Variants in KLRB1 observed in about 807,000 individuals in gnomAD.
KLRB1 encodes the protein killer cell lectin-like receptor subfamily B member 1.
Under a neutral mutation model 33.5 loss-of-function variants are expected in KLRB1, and 27 were observed. That is an observed-to-expected ratio of 0.81 (90% confidence interval 0.59 to 1.11). The LOEUF (loss-of-function observed/expected upper bound fraction) is 1.11, where lower values mean the gene tolerates loss of function less well. Ranked by LOEUF, KLRB1 falls within the 50% of genes most tolerant of loss-of-function variation. The probability of loss-of-function intolerance (pLI) is 0.00; values close to 1 mark genes in which losing one functional copy is unlikely to be tolerated. For missense variants in KLRB1, 241 were observed against 254.1 expected (o/e 0.95, Z 0.35); for synonymous variants, 64 against 88.9 (o/e 0.72, Z 1.58).
At chr12:9,607,343 T>TTCCTTC (rs1565444564) in intron 1 of KLRB1, among the ~76,000 whole-genome samples, 1 of 68,066 alleles carries the variant, frequency 1.5e-5, no homozygotes, top group Non-Finnish European at 3.1e-5. Context: ...TTCCTTTCTT[T>TTCCTTC]CTTTCTTTCT....
intron 5 of KLRB1, 94 bp downstream of exon 5, chr12:9,597,952 A>G: frequency 1.5e-6 from 1 of 664,156 alleles, no homozygotes; most frequent in East Asian, 3.0e-5. Context: ...TTTTAAACCA[A>G]ATTAAAACTA....
chr12:9,607,671 C>T (rs1296771837), intron 1 of KLRB1, 84 bp downstream of exon 1: 5 of 915,282 alleles, frequency 5.5e-6, no homozygotes, highest in Non-Finnish European at 9.0e-6. Context: ...ATCTTTAAAG[C>T]AATGATTTAA....
intron 5 of KLRB1, among the ~76,000 whole-genome samples, chr12:9,596,008 C>T (rs1864489016): frequency 6.6e-6 from 1 of 152,236 alleles, no homozygotes; most frequent in Non-Finnish European, 1.5e-5. Context: ...TCTGCAGAAA[C>T]ATAATATTAG....
At chr12:9,606,532 T>C (rs1864601120) in intron 1 of KLRB1, 1 of 151,616 alleles carries the variant, frequency 6.6e-6, no homozygotes, top group South Asian at 2.1e-4. Flanking sequence ...CTTTTCAAAC[T>C]AGAAACTATC....
chr12:9,601,203 A>C (rs952102851), intron 2 of KLRB1, among the ~76,000 whole-genome samples: 1 of 147,106 alleles, frequency 6.8e-6, no homozygotes, highest in Non-Finnish European at 1.5e-5. Flanking sequence ...CTCTCCCCAC[A>C]ATTGTCTTGT....
intron 2 of KLRB1, among the ~76,000 whole-genome samples, chr12:9,600,929 C>T (rs1244220105): frequency 4.6e-5 from 7 of 151,768 alleles, no homozygotes; most frequent in Non-Finnish European, 1.0e-4. Flanking sequence ...GAAGGAATGC[C>T]TCTTTCAGTT....
At chr12:9,606,760 A>ATATTTTT (rs1336534922) in intron 1 of KLRB1, among the ~76,000 whole-genome samples, 2 of 63,744 alleles carry the variant, frequency 3.1e-5, no homozygotes, top group African/African-American at 1.7e-4. Context: ...ATATATATAT[A>ATATTTTT]TTTTTTTTTT....
At chr12:9,601,111 A>G (rs1864536498) in intron 2 of KLRB1, among the ~76,000 whole-genome samples, 2 of 130,862 alleles carry the variant, frequency 1.5e-5, no homozygotes, top group Admixed American at 8.3e-5. Context: ...GTTTATGTGT[A>G]TGCATATCTA....
intron 4 of KLRB1, 104 bp downstream of exon 4, chr12:9,598,395 A>T: frequency 1.0e-6 from 1 of 1,004,000 alleles, no homozygotes; most frequent in Non-Finnish European, 1.5e-6. Flanking sequence ...GTGAAGTCAA[A>T]GTCATCACTT....
chr12:9,604,674 C>T (rs1294964994), intron 1 of KLRB1, among the ~76,000 whole-genome samples: 1 of 152,158 alleles, frequency 6.6e-6, no homozygotes, highest in Non-Finnish European at 1.5e-5. Flanking sequence ...GACTCAATGT[C>T]ATCTTCTCAG....
At chr12:9,607,054 A>G (rs1021765770) in intron 1 of KLRB1, among the ~76,000 whole-genome samples, 2 of 152,084 alleles carry the variant, frequency 1.3e-5, no homozygotes, top group Non-Finnish European at 2.9e-5. Flanking sequence ...CAACTGGCCT[A>G]CACGTTGTAT....
chr12:9,603,599 T>A (rs1453860722), intron 1 of KLRB1, among the ~76,000 whole-genome samples: 1 of 938 alleles, frequency 1.1e-3, no homozygotes, highest in Non-Finnish European at 0.25. Context: ...TAATTTTGTA[T>A]TTTTTTTTTT....
At chr12:9,607,651 A>G in intron 1 of KLRB1, 104 bp downstream of exon 1, 1 of 779,748 alleles carries the variant, frequency 1.3e-6, no homozygotes, top group Non-Finnish European at 2.2e-6. Flanking sequence ...TTAATATAAA[A>G]CTACTGCTCA....
At position 9,607,413 on chromosome 12, in the gene KLRB1, C is replaced by T. The variant is rs5023030; in HGVS notation, c.85+342G>A. Among the ~76,000 whole-genome samples the T allele has an allele frequency of 1.0e-3, 74 of 70,604 alleles. No individual in the cohort carries two copies. In the South Asian group the frequency reaches 0.013, roughly 12 times the overall value. The allele number at this position is 70,604 out of a possible 152,430, so 46.3% of individuals were successfully genotyped here. ...CTTTCTTTCTTTCTTTCTTTTCTTT[C>T]TTTCTTTCTTTCTTCCTTCTTTCCA... On this transcript the variant is annotated intron_variant, in intron 1 of 5. Transcript: ENST00000229402.
chr12:9,597,950 C>A lies in KLRB1; in HGVS notation c.530+96G>T, dbSNP rs1052154054. The A allele has an allele frequency of 7.6e-6, 5 of 655,348 alleles. No homozygotes were observed. In the African/African-American group the frequency reaches 7.8e-5, roughly 10 times the overall value. 40.6% of individuals were successfully genotyped at this position (655,348 alleles called of 1,614,324 possible). On this transcript the variant is annotated intron_variant, in intron 5 of 5. Transcript: ENST00000229402. ...TTCAGAACTTCTTGAGTTTTTAAAC[C>A]AAATTAAAACTACAAAACTCAATCT...
chr12:9,607,350 T>C (rs771906684), intron 1 of KLRB1, among the ~76,000 whole-genome samples: 1 of 70,994 alleles, frequency 1.4e-5, no homozygotes, highest in Non-Finnish European at 3.0e-5. Flanking sequence ...CTTTCTTTCT[T>C]TCTTCCTTTC....
At chr12:9,607,332 T>C (rs867103324) in intron 1 of KLRB1, among the ~76,000 whole-genome samples, 62 of 58,678 alleles carry the variant, frequency 1.1e-3, no homozygotes, top group South Asian at 2.7e-3. Flanking sequence ...TTTCTCTTTC[T>C]TTCCTTTCTT....
intron 5 of KLRB1, among the ~76,000 whole-genome samples, 161 bp downstream of exon 5, chr12:9,597,885 C>T (rs1864506158): frequency 1.3e-5 from 2 of 152,140 alleles, no homozygotes; most frequent in South Asian, 4.1e-4. Context: ...ATATATAGAA[C>T]TTTCCAACCA....
At chr12:9,604,453 C>T (rs1864578220) in intron 1 of KLRB1, among the ~76,000 whole-genome samples, 1 of 152,066 alleles carries the variant, frequency 6.6e-6, no homozygotes, top group African/African-American at 2.4e-5. Context: ...ACAGAGTGAC[C>T]ATAGCCTCAA....
Sources: gnomAD v4.1 joint callset for allele counts (sites outside exome capture counted in the v4.1 genomes callset) on GRCh38, gnomAD v4.1.1 for gene constraint, MANE v1.5 for transcripts, NCBI Gene and HGNC (gene_info 2026-07-23, HGNC 2026-07-21) for gene names.